Variants in ZNF157 observed in about 807,000 individuals in gnomAD.
ZNF157 encodes zinc finger protein 157, also known as zinc finger protein 22.
ZNF157 carries 8 observed loss-of-function variants against 9.4 expected under a neutral mutation model. That is an observed-to-expected ratio of 0.85 (90% CI 0.50 to 1.53). The LOEUF (loss-of-function observed/expected upper bound fraction) is 1.53, where lower values mean the gene tolerates loss of function less well. Ranked by LOEUF, ZNF157 falls within the 40% of genes most tolerant of loss-of-function variation. The pLI, the probability that ZNF157 is intolerant of heterozygous loss-of-function variation, is 0.00. For missense variants in ZNF157, 316 were observed against 385.2 expected (o/e 0.82, Z 1.50); for synonymous variants, 120 against 130.8 (o/e 0.92, Z 0.56).
chrX:47,404,857 C>T (rs2055942219), intron 1 of ZNF157, among the ~76,000 whole-genome samples: 2 of 110,214 alleles, frequency 1.8e-5, no homozygotes, highest in Admixed American at 2.0e-4. Context: ...AGTCTGTTCT[C>T]ACACTCCTAT....
chrX:47,382,440 C>T (rs1236116109), intron 1 of ZNF157, among the ~76,000 whole-genome samples: 1 of 106,766 alleles, frequency 9.4e-6, no homozygotes, highest in African/African-American at 3.4e-5. Context: ...AGGCTTGTCT[C>T]GGACTCCTGA....
chrX:47,373,198 TAA>T (rs202105536), intron 1 of ZNF157, among the ~76,000 whole-genome samples: 3 of 108,089 alleles, frequency 2.8e-5, no homozygotes, highest in Non-Finnish European at 5.8e-5. Context: ...GACTCTGTCT[TAA>T]AAAAAAATCC....
At chrX:47,379,136 A>G (rs1202274815) in intron 1 of ZNF157, among the ~76,000 whole-genome samples, 1 of 109,023 alleles carries the variant, frequency 9.2e-6, no homozygotes, top group African/African-American at 3.3e-5. Flanking sequence ...TTCACAGGTC[A>G]TACTTTTGGT....
At chrX:47,377,345 T>A (rs918049832) in intron 1 of ZNF157, among the ~76,000 whole-genome samples, 3 of 110,324 alleles carry the variant, frequency 2.7e-5, no homozygotes, top group Non-Finnish European at 5.7e-5. Context: ...TGTGAATTAC[T>A]CTTTCTCTAT....
intron 1 of ZNF157, among the ~76,000 whole-genome samples, chrX:47,402,636 T>A (rs2055933896): frequency 9.5e-6 from 1 of 105,101 alleles, no homozygotes; most frequent in Non-Finnish European, 1.9e-5. Context: ...GCCTCCCGGG[T>A]TCACGCCATT....
At chrX:47,385,766 C>T (rs1028397810) in intron 1 of ZNF157, among the ~76,000 whole-genome samples, 3 of 110,465 alleles carry the variant, frequency 2.7e-5, no homozygotes, top group Admixed American at 2.0e-4. Context: ...CAGGATTTCA[C>T]CATGTTGGCC....
intron 1 of ZNF157, among the ~76,000 whole-genome samples, chrX:47,396,400 G>T (rs189732980): frequency 1.8e-5 from 2 of 110,504 alleles, no homozygotes; most frequent in Non-Finnish European, 3.8e-5. Context: ...TTAGCTGCAC[G>T]TGGTGGTGCA....
intron 1 of ZNF157, among the ~76,000 whole-genome samples, chrX:47,394,354 A>G (rs1250934471): frequency 9.0e-6 from 1 of 111,048 alleles, no homozygotes; most frequent in Non-Finnish European, 1.9e-5. Flanking sequence ...CCAACAGTGA[A>G]TTTTCTAATT....
At chrX:47,379,553 G>A (rs1281844018) in intron 1 of ZNF157, among the ~76,000 whole-genome samples, 1 of 106,732 alleles carries the variant, frequency 9.4e-6, no homozygotes, top group East Asian at 3.0e-4. Flanking sequence ...GAGCAGATGG[G>A]ACTACAGGTG....
intron 1 of ZNF157, among the ~76,000 whole-genome samples, chrX:47,409,785 A>G (rs896268572): frequency 4.7e-5 from 5 of 106,774 alleles, no homozygotes; most frequent in African/African-American, 1.0e-4. Context: ...CTGGGACTAC[A>G]GATGTGCACC....
intron 1 of ZNF157, among the ~76,000 whole-genome samples, chrX:47,405,519 T>C (rs1164020680): frequency 9.0e-6 from 1 of 111,543 alleles, no homozygotes; most frequent in Admixed American, 9.6e-5. Flanking sequence ...CCAAACCACA[T>C]CAGGAACATG....
In ZNF157 at chrX:47,379,581, C is replaced by A. The variant is rs12012585; in HGVS notation, c.72+8841C>A. Among the ~76,000 whole-genome samples the A allele has an allele frequency of 6.7e-3, 725 of 107,659 alleles. 11 individuals are homozygous for A. Among genetic ancestry groups the A allele is most frequent in the African/African-American group, 0.023 (684 of 29,597 alleles). 93.5% of individuals were successfully genotyped at this position (107,659 alleles called of 115,157 possible). The stretch of plus-strand genomic sequence containing the variant: ...TACAGGTGCACACCACCACAACCGA[C>A]TAATTTTTGTATTTTTAGTAGAGAT... On this transcript the variant is annotated intron_variant, in intron 1 of 3. Transcript: ENST00000377073.
chrX:47,378,803 A>T (rs1454568601), intron 1 of ZNF157, among the ~76,000 whole-genome samples: 1 of 110,987 alleles, frequency 9.0e-6, no homozygotes, highest in Non-Finnish European at 1.9e-5. Context: ...GTGCCACTGC[A>T]CTCCAGCCTG....
rs760600482 is a variant in ZNF157, at chrX:47,412,924, G to C, written c.851G>C (p.Arg284Pro). 2.5e-6 allele frequency: 3 copies of C among 1,209,326 alleles called. No homozygotes were observed. The highest frequency in any genetic ancestry group is 3.5e-5 in the African/African-American group (2 of 57,181). Residue 284 changes from arginine (R) to proline (P), a missense_variant, in exon 4 of 4, where the codon CGT (arginine) becomes CCT (proline). Transcript: ENST00000377073. The part of the protein sequence containing the change: ...YECSECGKTF[R>P]VKISLTQHHR... ...TGTAGTGAATGTGGGAAAACATTTC[G>C]TGTAAAGATATCCCTTACCCAACAC...
chrX:47,386,174 C>T (rs1346483632), intron 1 of ZNF157, among the ~76,000 whole-genome samples: 2 of 111,599 alleles, frequency 1.8e-5, no homozygotes, highest in African/African-American at 3.3e-5. Flanking sequence ...AGATCAGTAT[C>T]GATTCCCATG....
chrX:47,379,216 C>T (rs1037539667), intron 1 of ZNF157, among the ~76,000 whole-genome samples: 5 of 108,561 alleles, frequency 4.6e-5, no homozygotes, highest in East Asian at 2.9e-4. Flanking sequence ...TGGTCTTGAA[C>T]GCCTGGGCTC....
intron 1 of ZNF157, among the ~76,000 whole-genome samples, chrX:47,405,993 A>T (rs1309221701): frequency 1.1e-5 from 1 of 92,275 alleles, no homozygotes; most frequent in Non-Finnish European, 2.3e-5. Context: ...TTTTATCCCT[A>T]CCCCCCTACC....
At chrX:47,385,917 G>T (rs1335908070) in intron 1 of ZNF157, among the ~76,000 whole-genome samples, 1 of 110,371 alleles carries the variant, frequency 9.1e-6, no homozygotes, top group Non-Finnish European at 1.9e-5. Context: ...CAAGACTGAG[G>T]CTCAGAGGAA....
intron 1 of ZNF157, among the ~76,000 whole-genome samples, chrX:47,381,157 G>C (rs1302009965): frequency 1.0e-5 from 1 of 100,390 alleles, no homozygotes; most frequent in Non-Finnish European, 2.0e-5. Flanking sequence ...GGAGGAGAAA[G>C]AGAAGGAGGA....
Sources: gnomAD v4.1 joint callset for allele counts (sites outside exome capture counted in the v4.1 genomes callset) on GRCh38, gnomAD v4.1.1 for gene constraint, MANE v1.5 for transcripts, NCBI Gene and HGNC (gene_info 2026-07-23, HGNC 2026-07-21) for gene names.